Variants in THTPA observed in about 807,000 individuals in gnomAD.
THTPA encodes thiamine triphosphatase, also known as thiamine-triphosphatase.
Under a neutral mutation model 16.5 loss-of-function variants are expected in THTPA, and 16 were observed. That is an observed-to-expected ratio of 0.97 (90% CI 0.66 to 1.47). The LOEUF is 1.47. Ranked by LOEUF, THTPA falls within the 40% of genes most tolerant of loss-of-function variation. THTPA has a pLI of 0.00. For missense variants in THTPA, 281 were observed against 280.9 expected (o/e 1.00, Z 0.00); for synonymous variants, 110 against 115.5 (o/e 0.95, Z 0.30).
the THTPA span, among the ~76,000 whole-genome samples, chr14:23,549,152 C>A: frequency 6.6e-6 from 1 of 152,084 alleles, no homozygotes. Flanking sequence ...CTTCCTTTTA[C>A]CTTCTGTATT....
chr14:23,545,372 G>A, the THTPA span, among the ~76,000 whole-genome samples: 79 of 152,264 alleles, frequency 5.2e-4, no homozygotes, highest in African/African-American at 1.9e-3. Flanking sequence ...ATTTCCCTGC[G>A]GAGGGGTCAG....
the THTPA span, chr14:23,543,620 GGGCACT>G: frequency 6.6e-6 from 1 of 152,330 alleles, no homozygotes; most frequent in Non-Finnish European, 1.5e-5. Flanking sequence ...GTCCATGCAG[GGGCACT>G]GGCCATGCCC....
chr14:23,555,637 A>C (rs908241466), upstream of THTPA: 1 of 152,168 alleles, frequency 6.6e-6, no homozygotes, highest in African/African-American at 2.4e-5. Flanking sequence ...AAAACTCCAG[A>C]GTAGCTAAAC....
chr14:23,559,890 GCT>G lies in THTPA; in HGVS notation c.*1051_*1052del. On this transcript the variant is annotated 3_prime_UTR_variant, in exon 2 of 2. Transcript: ENST00000288014. ...GCAGGGACCAGGGTTAGCACCCACG[GCT>G]TCTTCTATCCCTGGGTCTTGTCTTG... 1 of 1,611,724 alleles carries G rather than the reference GCT, an allele frequency of 6.2e-7. No individual in the cohort carries two copies. The highest frequency in any genetic ancestry group is 8.5e-7 in the Non-Finnish European group (1 of 1,178,192).
At chr14:23,538,334 T>C in the THTPA span, among the ~76,000 whole-genome samples, 1 of 138,330 alleles carries the variant, frequency 7.2e-6, no homozygotes, top group African/African-American at 2.6e-5. Flanking sequence ...CAACTCCCCA[T>C]CCCCCTTTCT....
chr14:23,530,747 C>A, the THTPA span: 1 of 279,430 alleles, frequency 3.6e-6, no homozygotes, highest in South Asian at 3.3e-5. Context: ...TGATCTGGGC[C>A]CCTCCGGCAC....
chr14:23,529,277 G>A, the THTPA span: 2 of 168,990 alleles, frequency 1.2e-5, no homozygotes, highest in African/African-American at 4.8e-5. Context: ...TTAGTAAGAG[G>A]ATGCCAGGAC....
At chr14:23,535,251 C>A in the THTPA span, 2 of 1,512,160 alleles carry the variant, frequency 1.3e-6, no homozygotes, top group East Asian at 5.0e-5. This position sits in a 1 kb window ranked among gnomAD's most constrained non-coding sequence, Gnocchi z 4.5. Context: ...AGAAGGTGTC[C>A]GAAGGCAGGG....
chr14:23,550,865 G>A, the THTPA span, among the ~76,000 whole-genome samples: 1 of 151,516 alleles, frequency 6.6e-6, no homozygotes, highest in Non-Finnish European at 1.5e-5. Context: ...CCATCAGCCC[G>A]CCGGCCGCGG....
At chr14:23,538,066 C>T in the THTPA span, 1 of 152,374 alleles carries the variant, frequency 6.6e-6, no homozygotes, top group Non-Finnish European at 1.5e-5. Context: ...GCCCCAAATC[C>T]TACAGTAACT....
chr14:23,522,781 A>T, the THTPA span: 1 of 1,536,326 alleles, frequency 6.5e-7, no homozygotes, highest in African/African-American at 1.4e-5. Flanking sequence ...GCTCAGTAGG[A>T]GGGCCTGGGA....
At chr14:23,522,070 G>A in the THTPA span, 322 of 1,536,220 alleles carry the variant, frequency 2.1e-4, 1 homozygote, top group Non-Finnish European at 2.4e-4. Context: ...CAGCAGTGGC[G>A]GCGTTGGTGA....
At chr14:23,534,059 C>T in the THTPA span, 2 of 1,529,068 alleles carry the variant, frequency 1.3e-6, no homozygotes, top group Non-Finnish European at 1.8e-6. This position sits in a 1 kb window ranked among gnomAD's most constrained non-coding sequence, Gnocchi z 4.5. Flanking sequence ...GTGTAGTCAT[C>T]AGCTAGGCGA....
At chr14:23,520,402 C>T in the THTPA span, among the ~76,000 whole-genome samples, 2 of 144,940 alleles carry the variant, frequency 1.4e-5, no homozygotes, top group Admixed American at 7.0e-5. The surrounding 1 kb of genome is among the most constrained non-coding windows in gnomAD (Gnocchi z 8.7). Context: ...TCCAGGGGGG[C>T]AGCAGGGTTA....
At chr14:23,533,111 C>T in the THTPA span, 13 of 1,486,928 alleles carry the variant, frequency 8.7e-6, no homozygotes, top group African/African-American at 7.0e-5. This position sits in a 1 kb window ranked among gnomAD's most constrained non-coding sequence, Gnocchi z 4.8. Context: ...GATTAGTGGC[C>T]CAAGAAAGAA....
chr14:23,545,809 TA>T, the THTPA span, among the ~76,000 whole-genome samples: 9 of 152,120 alleles, frequency 5.9e-5, no homozygotes, highest in African/African-American at 2.2e-4. Flanking sequence ...GGCCCAGGAA[TA>T]AAGAAGACAG....
At chr14:23,529,673 C>T in the THTPA span, 1 of 1,524,402 alleles carries the variant, frequency 6.6e-7, no homozygotes, top group Non-Finnish European at 8.8e-7. Flanking sequence ...AAAGCCAGGC[C>T]CCCACTTCAG....
chr14:23,535,015 C>T, the THTPA span: 1 of 1,536,054 alleles, frequency 6.5e-7, no homozygotes, highest in Non-Finnish European at 8.7e-7. The surrounding 1 kb of genome is among the most constrained non-coding windows in gnomAD (Gnocchi z 4.5). Flanking sequence ...GGGAGGGAGC[C>T]CTTCTTCTTC....
the THTPA span, among the ~76,000 whole-genome samples, chr14:23,541,821 TCTA>T: frequency 1.1e-4 from 14 of 128,962 alleles, no homozygotes; most frequent in Admixed American, 7.0e-4. Flanking sequence ...AAACTATCAT[TCTA>T]TCATCTCTAA....
Sources: gnomAD v4.1 joint callset for allele counts (sites outside exome capture counted in the v4.1 genomes callset) on GRCh38, gnomAD v4.1.1 for gene constraint, Gnocchi (gnomAD v3.1) non-coding constraint, MANE v1.5 for transcripts, NCBI Gene and HGNC (gene_info 2026-07-23, HGNC 2026-07-21) for gene names.